MEGF11: variants seen among roughly 807,000 people sequenced by gnomAD.
MEGF11 encodes multiple epidermal growth factor-like domains protein 11.
In MEGF11, 126 loss-of-function variants were observed where a neutral mutation model predicts 146.6. That is an observed-to-expected ratio of 0.86 (90% CI 0.74 to 1.00). The LOEUF (loss-of-function observed/expected upper bound fraction) is 1.00. MEGF11 is among the 50% of genes least tolerant of loss of function. The pLI, the probability that MEGF11 is intolerant of heterozygous loss-of-function variation, is 0.00. For synonymous variants in MEGF11, 532 were observed against 583.4 expected, an observed-to-expected ratio of 0.91 and a Z score of 1.27; for missense variants, 1,509 against 1,521.2, an observed-to-expected ratio of 0.99 and a Z score of 0.13.
intron 23 of MEGF11, 37 bp from the exon 24 acceptor site, chr15:65,906,178 G>A: frequency 6.5e-7 from 1 of 1,530,842 alleles, no homozygotes; most frequent in Non-Finnish European, 9.0e-7. Flanking sequence ...GAAAATATGG[G>A]GGTGAGGTTT....
At chr15:66,026,649 A>ATT (rs879383425) in intron 5 of MEGF11, among the ~76,000 whole-genome samples, 120 of 144,760 alleles carry the variant, frequency 8.3e-4, no homozygotes, top group African/African-American at 1.8e-3. Flanking sequence ...ACACCCAGCT[A>ATT]TTTTTTTTTT....
intron 1 of MEGF11, among the ~76,000 whole-genome samples, chr15:66,242,469 AAG>A (rs2140242371): frequency 7.3e-6 from 1 of 136,430 alleles, no homozygotes; most frequent in African/African-American, 2.7e-5. Flanking sequence ...GATGGAAAGA[AAG>A]AGAGAGGGAG....
Position 65,982,284 on chromosome 15 carries a change from C to G in MEGF11, c.599G>C (p.Arg200Pro). ...AGGTGCGCAGAGGCACTCGCCGGCG[C>G]GGGGGTCGCAGCTGGCACCGTGTCG... ...QCRHGASCDP[R>P]AGECLCAPGY... Residue 200 changes from arginine to proline, a missense_variant, in exon 6 of 26, where the codon CGC (arginine) becomes CCC (proline). Physicochemically the swap from Arg to Pro is moderately radical, Grantham distance 103. Coordinates refer to ENST00000395614, the MANE Select transcript of MEGF11 (RefSeq NM_001385028.1). The surrounding 1 kb of genome is among the most constrained non-coding windows in gnomAD (Gnocchi z 5.6). 4 of 1,540,490 alleles carry G rather than the reference C, an allele frequency of 2.6e-6. No individual in the cohort carries two copies. Among genetic ancestry groups the G allele is most frequent in the Non-Finnish European group, 3.5e-6 (4 of 1,145,568 alleles).
intron 24 of MEGF11, among the ~76,000 whole-genome samples, chr15:65,905,047 C>T (rs932460268): frequency 6.6e-6 from 1 of 152,156 alleles, no homozygotes; most frequent in African/African-American, 2.4e-5. Flanking sequence ...TGTGTGCCAC[C>T]ATGTCTGGCT....
intron 5 of MEGF11, among the ~76,000 whole-genome samples, chr15:66,008,404 C>CGT (rs886276926): frequency 1.0e-3 from 3 of 2,982 alleles, no homozygotes; most frequent in African/African-American, 1.1e-3. Flanking sequence ...CATGCACACG[C>CGT]GCGCGCGCAC....
At chr15:65,983,010 G>C (rs148996207) in intron 5 of MEGF11, among the ~76,000 whole-genome samples, 1 of 151,832 alleles carries the variant, frequency 6.6e-6, no homozygotes, top group Non-Finnish European at 1.5e-5. Context: ...TTCCCCACAC[G>C]CATTGGTTTT....
Position 65,970,547 on chromosome 15 carries a change from C to G in MEGF11, c.899+6G>C, listed in dbSNP as rs750728989. On this transcript the variant is annotated splice_donor_region_variant and intron_variant, in intron 8 of 25. Coordinates refer to ENST00000395614, the MANE Select transcript of MEGF11 (RefSeq NM_001385028.1). ...CAGCAAAGATAACAGTTAACACTATCCTTACCTGTCCCCCATGTATCCAGC... is the reference window on the plus strand; with the variant it reads ...CAGCAAAGATAACAGTTAACACTATGCTTACCTGTCCCCCATGTATCCAGC... The G allele has an allele frequency of 6.2e-7, 1 of 1,613,586 alleles. No individual in the cohort carries two copies. The highest frequency in any genetic ancestry group is 1.1e-5 in the South Asian group (1 of 91,026).
chr15:66,019,218 A>C (rs1294685207), intron 5 of MEGF11, among the ~76,000 whole-genome samples: 2 of 152,160 alleles, frequency 1.3e-5, no homozygotes, highest in East Asian at 3.9e-4. Flanking sequence ...CTGGGCCCTC[A>C]GTCCTCCCAG....
chr15:66,107,111 G>T (rs1452796293), intron 4 of MEGF11, among the ~76,000 whole-genome samples: 1 of 151,928 alleles, frequency 6.6e-6, no homozygotes. Context: ...TGCAACGAGG[G>T]ACCCTGCTCC....
chr15:66,173,051 T>A (rs1597134766), intron 1 of MEGF11, among the ~76,000 whole-genome samples: 1 of 152,316 alleles, frequency 6.6e-6, no homozygotes, highest in East Asian at 1.9e-4. Context: ...ACAGCAGTGT[T>A]GATGCACCTC....
intron 1 of MEGF11, among the ~76,000 whole-genome samples, chr15:66,203,842 A>G (rs2091230726): frequency 6.6e-6 from 1 of 152,256 alleles, no homozygotes; most frequent in Admixed American, 6.5e-5. Context: ...TAATTTTGTC[A>G]GTTGCAATAA....
At chr15:65,926,810 T>C (rs2079387468) in intron 13 of MEGF11, among the ~76,000 whole-genome samples, 1 of 152,198 alleles carries the variant, frequency 6.6e-6, no homozygotes, top group South Asian at 2.1e-4. Flanking sequence ...ATTGGCTCAC[T>C]CAAAATTAAG....
chr15:65,997,534 C>G lies in MEGF11; in HGVS notation c.395-15046G>C, dbSNP rs77961199. 4.6e-5 allele frequency among the ~76,000 whole-genome samples: 7 copies of G among 152,292 alleles called. No homozygotes were observed. In the East Asian group the frequency reaches 1.3e-3, roughly 29 times the overall value. On this transcript the variant is annotated intron_variant, in intron 5 of 25. Coordinates refer to ENST00000395614, the MANE Select transcript of MEGF11 (RefSeq NM_001385028.1). ...ATTACCCTTTCCAAGCTCTCTCCCC[C>G]ATCCTCTGGCTTTATTTTTTTCTTT... is the stretch of plus-strand genomic sequence containing the variant.
intron 5 of MEGF11, among the ~76,000 whole-genome samples, chr15:66,068,224 G>A (rs923040966): frequency 6.6e-6 from 1 of 152,134 alleles, no homozygotes; most frequent in African/African-American, 2.4e-5. Flanking sequence ...GTGCATAGTA[G>A]GTACCTGATA....
At chr15:66,177,764 A>T (rs1356546308) in intron 1 of MEGF11, among the ~76,000 whole-genome samples, 1 of 150,748 alleles carries the variant, frequency 6.6e-6, no homozygotes, top group African/African-American at 2.4e-5. Flanking sequence ...AGCTCACTGC[A>T]GCCTCAACCT....
At chr15:65,948,317 T>A (rs1322641166) in intron 10 of MEGF11, among the ~76,000 whole-genome samples, 1 of 152,164 alleles carries the variant, frequency 6.6e-6, no homozygotes, top group Admixed American at 6.5e-5. Context: ...TGACCTTGTT[T>A]TTTTTTTGCT....
At chr15:66,065,380 T>C (rs2085080505) in intron 5 of MEGF11, among the ~76,000 whole-genome samples, 1 of 152,038 alleles carries the variant, frequency 6.6e-6, no homozygotes, top group African/African-American at 2.4e-5. Flanking sequence ...CAACTCCTGG[T>C]AAACCTCCTG....
At chr15:66,049,450 C>G (rs2084362190) in intron 5 of MEGF11, among the ~76,000 whole-genome samples, 1 of 152,152 alleles carries the variant, frequency 6.6e-6, no homozygotes. Context: ...CCTGCCTTCA[C>G]TGGGGGAACT....
chr15:66,009,230 C>T (rs572934760), intron 5 of MEGF11, among the ~76,000 whole-genome samples: 1 of 146,126 alleles, frequency 6.8e-6, no homozygotes, highest in East Asian at 2.0e-4. Flanking sequence ...TTAGAGAACA[C>T]GTTAACCTAA....
Sources: gnomAD v4.1 joint callset for allele counts (sites outside exome capture counted in the v4.1 genomes callset) on GRCh38, gnomAD v4.1.1 for gene constraint, Gnocchi (gnomAD v3.1) non-coding constraint, MANE v1.5 for transcripts, NCBI Gene and HGNC (gene_info 2026-07-23, HGNC 2026-07-21) for gene names.